Variants in CSMD1 observed in about 807,000 individuals in gnomAD.
The protein encoded by CSMD1 is CUB and sushi domain-containing protein 1.
Under a neutral mutation model 417.5 loss-of-function variants are expected in CSMD1, and 213 were observed. The ratio of observed to expected loss-of-function variants is 0.51; its 90% CI spans 0.46 to 0.57. CSMD1 has a LOEUF of 0.57. Ranked by LOEUF, CSMD1 falls within the 20% of genes least tolerant of loss-of-function variation. The pLI, the probability that CSMD1 is intolerant of heterozygous loss-of-function variation, is 0.00. For missense variants in CSMD1, 6,923 were observed against 4,529.7 expected (o/e 1.53, Z -15.17); for synonymous variants, 2,862 against 1,736.8 (o/e 1.65, Z -16.11).
intron 10 of CSMD1, among the ~76,000 whole-genome samples, chr8:3,510,575 G>A (rs528322819): frequency 3.3e-5 from 5 of 151,906 alleles, no homozygotes; most frequent in Admixed American, 1.3e-4. Flanking sequence ...AACACATTAC[G>A]TGGCACAAAA....
intron 3 of CSMD1, among the ~76,000 whole-genome samples, chr8:4,393,088 G>A (rs936186104): frequency 5.9e-5 from 9 of 152,260 alleles, no homozygotes; most frequent in East Asian, 5.9e-4. Flanking sequence ...CGATTCTCGT[G>A]CCTCAATCTC....
intron 3 of CSMD1, among the ~76,000 whole-genome samples, chr8:4,061,979 C>A (rs4875265): frequency 3.3e-5 from 5 of 151,918 alleles, no homozygotes; most frequent in African/African-American, 1.2e-4. Flanking sequence ...GATGCCAAAC[C>A]CCCTGCTGCC....
intron 51 of CSMD1, among the ~76,000 whole-genome samples, chr8:3,025,554 C>G (rs1325044200): frequency 3.9e-5 from 6 of 152,234 alleles, no homozygotes; most frequent in African/African-American, 1.4e-4. Flanking sequence ...AACTCCTGGA[C>G]TTCTCTGATA....
intron 10 of CSMD1, among the ~76,000 whole-genome samples, chr8:3,497,607 G>C (rs908461009): frequency 2.0e-5 from 3 of 152,104 alleles, no homozygotes; most frequent in Non-Finnish European, 4.4e-5. Context: ...TCTGATAAAA[G>C]TATGGCTATT....
chr8:4,480,164 C>G (rs1585143859), intron 2 of CSMD1, among the ~76,000 whole-genome samples: 1 of 146,158 alleles, frequency 6.8e-6, no homozygotes, highest in Non-Finnish European at 1.5e-5. Context: ...TTCCTAATAC[C>G]ACGAGAGTGC....
At chr8:4,952,582 T>A (rs752145717) in intron 1 of CSMD1, among the ~76,000 whole-genome samples, 4 of 152,096 alleles carry the variant, frequency 2.6e-5, no homozygotes, top group Non-Finnish European at 5.9e-5. Flanking sequence ...TTATCCACAC[T>A]ATGATTTTGT....
At chr8:3,425,010 T>C (rs1177994140) in intron 12 of CSMD1, among the ~76,000 whole-genome samples, 1 of 152,110 alleles carries the variant, frequency 6.6e-6, no homozygotes, top group Non-Finnish European at 1.5e-5. Context: ...AATGATTTTA[T>C]TTTACTTTTG....
At chr8:4,587,599 C>T (rs1305975300) in intron 2 of CSMD1, among the ~76,000 whole-genome samples, 1 of 152,010 alleles carries the variant, frequency 6.6e-6, no homozygotes, top group African/African-American at 2.4e-5. Context: ...AAGAAATAAG[C>T]TTTACTTACA....
intron 1 of CSMD1, among the ~76,000 whole-genome samples, chr8:4,748,069 C>T (rs1172259621): frequency 2.0e-5 from 3 of 152,278 alleles, no homozygotes; most frequent in African/African-American, 7.2e-5. Context: ...CAGCTGTGCC[C>T]CCACCCTCTG....
At chr8:3,490,018 G>T (rs13280462) in intron 11 of CSMD1, among the ~76,000 whole-genome samples, 50,331 of 151,958 alleles carry the variant, frequency 0.33, 8,720 homozygotes, top group Middle Eastern at 0.43. Context: ...TAGACTCCAT[G>T]CTGGGAAGAA....
intron 11 of CSMD1, among the ~76,000 whole-genome samples, chr8:3,473,699 A>T (rs1817239158): frequency 6.6e-6 from 1 of 152,216 alleles, no homozygotes; most frequent in African/African-American, 2.4e-5. Context: ...ATGTCATTTC[A>T]TTATAACAAT....
chr8:4,914,459 T>G (rs60180721), intron 1 of CSMD1, among the ~76,000 whole-genome samples: 2,224 of 151,702 alleles, frequency 0.015, 55 homozygotes, highest in African/African-American at 0.051. Context: ...GCCCCTGTAG[T>G]CCCAGCTACT....
chr8:4,013,705 C>A (rs965472507), intron 4 of CSMD1, among the ~76,000 whole-genome samples: 21 of 152,052 alleles, frequency 1.4e-4, no homozygotes, highest in Non-Finnish European at 2.9e-4. Flanking sequence ...ATATTGTAGC[C>A]CCAGCAGCTA....
At chr8:3,261,429 T>G (rs1411930890) in intron 26 of CSMD1, among the ~76,000 whole-genome samples, 6 of 152,172 alleles carry the variant, frequency 3.9e-5, no homozygotes, top group African/African-American at 1.4e-4. Context: ...GCTTGGGTGA[T>G]GGGTGCGCCA....
intron 2 of CSMD1, among the ~76,000 whole-genome samples, chr8:4,628,362 A>T (rs978238958): frequency 6.7e-6 from 1 of 149,638 alleles, no homozygotes; most frequent in Non-Finnish European, 1.5e-5. Context: ...ACTTCTATGT[A>T]TGTGTGTGTG....
intron 3 of CSMD1, among the ~76,000 whole-genome samples, chr8:4,100,146 G>A (rs1051784466): frequency 6.6e-6 from 1 of 152,042 alleles, no homozygotes; most frequent in Non-Finnish European, 1.5e-5. Context: ...CAATACCTTG[G>A]TTTTTATGTG....
chr8:3,808,276 AT>A (rs886139995), intron 5 of CSMD1, among the ~76,000 whole-genome samples: 5 of 152,090 alleles, frequency 3.3e-5, no homozygotes, highest in East Asian at 1.9e-4. Context: ...GAATATAAAG[AT>A]TTTTTTCATT....
chr8:3,523,569 A>G (rs1426305583), intron 10 of CSMD1, among the ~76,000 whole-genome samples: 1 of 152,094 alleles, frequency 6.6e-6, no homozygotes, highest in Non-Finnish European at 1.5e-5. Flanking sequence ...ACAGATGCAC[A>G]CACACATGTA....
chr8:3,982,736 G>C (rs541853954), intron 5 of CSMD1, among the ~76,000 whole-genome samples: 75 of 152,228 alleles, frequency 4.9e-4, no homozygotes, highest in African/African-American at 1.7e-3. Context: ...ATCTGTAGGA[G>C]GCTTAACGTG....
Sources: gnomAD v4.1 joint callset for allele counts (sites outside exome capture counted in the v4.1 genomes callset) on GRCh38, gnomAD v4.1.1 for gene constraint, MANE v1.5 for transcripts, NCBI Gene and HGNC (gene_info 2026-07-23, HGNC 2026-07-21) for gene names.